EDRF1: variants seen among roughly 807,000 people sequenced by gnomAD.
EDRF1 encodes the protein erythroid differentiation-related factor 1.
In EDRF1, 69 loss-of-function variants were observed where a neutral mutation model predicts 148.7. The ratio of observed to expected loss-of-function variants is 0.46; its 90% CI spans 0.38 to 0.57. The LOEUF is 0.57. Among genes scored for constraint, EDRF1 ranks in the 20% least tolerant of loss-of-function variants. The probability of loss-of-function intolerance (pLI) is 0.00; values close to 1 mark genes in which losing one functional copy is unlikely to be tolerated. For missense variants in EDRF1, 1,118 were observed against 1,478.7 expected, an observed-to-expected ratio of 0.76 and a Z score of 4.00; for synonymous variants, 515 against 532.8, an observed-to-expected ratio of 0.97 and a Z score of 0.46.
intron 6 of EDRF1, among the ~76,000 whole-genome samples, chr10:125,728,564 C>G (rs1437017964): frequency 6.6e-6 from 1 of 151,882 alleles, no homozygotes; most frequent in East Asian, 1.9e-4. Context: ...ATTATGTTGT[C>G]CAGGCTGGAT....
In EDRF1 at chr10:125,721,446, C is replaced by G. The variant is rs372889490; in HGVS notation, c.317+34C>G. 15 of 1,585,468 alleles carry G rather than the reference C, an allele frequency of 9.5e-6. No homozygotes were observed. In the African/African-American group the frequency reaches 1.7e-4, roughly 18 times the overall value. On this transcript the variant is annotated intron_variant, in intron 2 of 24. Transcript: ENST00000356792. ...TAATCAGTGGCATTTTTACCTGCCC[C>G]TCCACCCTCACTTAAAACTCTTATT...
chr10:125,723,188 T>C, intron 3 of EDRF1, 54 bp downstream of exon 3: 1 of 1,442,128 alleles, frequency 6.9e-7, no homozygotes, highest in East Asian at 2.3e-5. Context: ...TGATAGGTGT[T>C]TTATATCATG....
At chr10:125,725,920 T>C in intron 6 of EDRF1, 82 bp downstream of exon 6, 1 of 1,319,990 alleles carries the variant, frequency 7.6e-7, no homozygotes. Context: ...AAAAAAAAGA[T>C]GAACAGGACT....
chr10:125,738,186 G>A, intron 14 of EDRF1, 109 bp from the exon 15 acceptor site: 2 of 1,460,148 alleles, frequency 1.4e-6, no homozygotes, highest in South Asian at 1.2e-5. Flanking sequence ...GTCTGTTTGT[G>A]AGATGGAAAT....
At chr10:125,722,319 C>A (rs1449125425) in intron 2 of EDRF1, among the ~76,000 whole-genome samples, 1 of 152,192 alleles carries the variant, frequency 6.6e-6, no homozygotes, top group African/African-American at 2.4e-5. Context: ...CTCACAACAA[C>A]TCTTTGAGAT....
intron 23 of EDRF1, among the ~76,000 whole-genome samples, chr10:125,753,271 C>G (rs1849733436): frequency 6.6e-6 from 1 of 152,168 alleles, no homozygotes; most frequent in Non-Finnish European, 1.5e-5. Flanking sequence ...TGCCTGGGAG[C>G]AGTTGAATGG....
chr10:125,734,214 C>A lies in EDRF1; in HGVS notation c.1497+31C>A, dbSNP rs751067774. ...ATTAACATTTATGTATTCTCTAAAA[C>A]AATCCTAGCATTCTAATAGGAGATT... is the stretch of plus-strand genomic sequence containing the variant. On this transcript the variant is annotated intron_variant, in intron 12 of 24. Coordinates refer to ENST00000356792, the MANE Select transcript of EDRF1 (RefSeq NM_001202438.2). 6 of 1,483,190 alleles carry A rather than the reference C, an allele frequency of 4.0e-6. No homozygotes were observed. In the East Asian group the frequency reaches 6.8e-5, roughly 17 times the overall value. The allele number at this position is 1,483,190 out of a possible 1,614,324, so 91.9% of individuals were successfully genotyped here.
At chr10:125,751,009 C>T (rs904275984) in intron 22 of EDRF1, among the ~76,000 whole-genome samples, 1 of 152,112 alleles carries the variant, frequency 6.6e-6, no homozygotes, top group East Asian at 1.9e-4. Flanking sequence ...GGCTGGAGTG[C>T]AGTGGCATGG....
chr10:125,736,872 G>A (rs1589838370), intron 13 of EDRF1, among the ~76,000 whole-genome samples: 1 of 151,918 alleles, frequency 6.6e-6, no homozygotes, highest in Non-Finnish European at 1.5e-5. Context: ...GACCACTCTG[G>A]CCAAAGCATG....
chr10:125,762,924 G>T (rs537696386), intron 24 of EDRF1, among the ~76,000 whole-genome samples: 1 of 152,048 alleles, frequency 6.6e-6, no homozygotes, highest in Non-Finnish European at 1.5e-5. Context: ...TCACTCTCTT[G>T]TTTACTATGG....
At chr10:125,750,402 G>T (rs1419370545) in intron 22 of EDRF1, 2 of 152,200 alleles carry the variant, frequency 1.3e-5, no homozygotes, top group African/African-American at 4.8e-5. Context: ...ACCACTTAAT[G>T]ATTTTTCCTA....
chr10:125,759,321 C>T (rs980690675), intron 24 of EDRF1, among the ~76,000 whole-genome samples: 4 of 152,218 alleles, frequency 2.6e-5, no homozygotes, highest in Admixed American at 2.0e-4. Context: ...CTTTCTCTCC[C>T]TGTATCAGCC....
intron 24 of EDRF1, among the ~76,000 whole-genome samples, chr10:125,754,484 C>T (rs989286152): frequency 3.9e-5 from 6 of 152,164 alleles, no homozygotes; most frequent in African/African-American, 1.4e-4. Flanking sequence ...TGAATGTTGT[C>T]ATTAATGGAG....
Position 125,757,285 on chromosome 10 carries a change from G to A in EDRF1, c.3545+3440G>A, listed in dbSNP as rs550665206. Among the ~76,000 whole-genome samples, 4 of 152,246 alleles carry A rather than the reference G, an allele frequency of 2.6e-5. No individual in the cohort carries two copies. The South Asian group carries it at 8.3e-4, about 32-fold the overall frequency. ...ATTTTGGCAGTTGACCTAGGATTTT[G>A]CAGTATACATCGTTAATCTTTCATG... On this transcript the variant is annotated intron_variant, in intron 24 of 24. Coordinates refer to ENST00000356792, the MANE Select transcript of EDRF1 (RefSeq NM_001202438.2).
At chr10:125,739,386 C>T (rs1797358017) in intron 15 of EDRF1, among the ~76,000 whole-genome samples, 1 of 152,172 alleles carries the variant, frequency 6.6e-6, no homozygotes, top group Admixed American at 6.5e-5. Context: ...TGTTGAAAAT[C>T]CTGCTCAAGC....
intron 24 of EDRF1, among the ~76,000 whole-genome samples, chr10:125,760,171 C>A (rs1412794831): frequency 2.6e-5 from 4 of 152,182 alleles, no homozygotes; most frequent in Non-Finnish European, 5.9e-5. Context: ...GGAAAGAATT[C>A]CTGCCTTTTT....
At position 125,719,838 on chromosome 10, in the gene EDRF1, G is replaced by C; in HGVS notation, c.31G>C (p.Gly11Arg). The C allele has an allele frequency of 6.2e-7, 1 of 1,612,258 alleles. No homozygotes were observed. Among genetic ancestry groups the C allele is most frequent in the East Asian group, 2.2e-5 (1 of 44,818 alleles). The change falls in exon 1 of 25, where the codon GGT becomes CGT. Residue 11 changes from glycine to arginine, a missense_variant. This residue lies in a region of EDRF1 where 65 missense variants were observed against 50.3 expected (regional missense o/e 1.29). Coordinates refer to ENST00000356792, the MANE Select transcript of EDRF1 (RefSeq NM_001202438.2). ...GGATGCCAAGGAGGCCGGAGCCGAGGGTCCGCCGGCCGGGGCCGCCGCTCG... is the reference window on the plus strand; with the variant it reads ...GGATGCCAAGGAGGCCGGAGCCGAGCGTCCGCCGGCCGGGGCCGCCGCTCG... MGDAKEAGAE[G>R]PPAGAAARGG...
chr10:125,741,445 G>A, intron 17 of EDRF1: 1 of 487,634 alleles, frequency 2.1e-6, no homozygotes, highest in Non-Finnish European at 3.9e-6. Flanking sequence ...AGCCTCCCAA[G>A]TAGCTGGAAT....
rs555283557 is a variant in EDRF1, at chr10:125,721,968, G to C, written c.317+556G>C. Among the ~76,000 whole-genome samples, 3 of 152,222 alleles carry C rather than the reference G, an allele frequency of 2.0e-5. No homozygotes were observed. In the South Asian group the frequency reaches 6.2e-4, roughly 32 times the overall value. ...ATACTGTAGGACATTTAATGTGTAG[G>C]GTTCTCTTTTCTTCTTCCCCCTTCT... On this transcript the variant is annotated intron_variant, in intron 2 of 24. Transcript: ENST00000356792.
Sources: gnomAD v4.1 joint callset for allele counts (sites outside exome capture counted in the v4.1 genomes callset) on GRCh38, gnomAD v4.1.1 for gene constraint, gnomAD v4.1.1 regional missense constraint, MANE v1.5 for transcripts, NCBI Gene and HGNC (gene_info 2026-07-23, HGNC 2026-07-21) for gene names.